The following LRRC41 variants were observed in gnomAD, a reference collection of about 807,000 sequenced individuals.
LRRC41 encodes the protein leucine rich repeat containing 41.
LRRC41 carries 17 observed loss-of-function variants against 72.1 expected under a neutral mutation model. That is an observed-to-expected ratio of 0.24 (90% CI 0.16 to 0.35). LRRC41 has a LOEUF of 0.35. LRRC41 is among the 10% of genes least tolerant of loss of function. The pLI, the probability that LRRC41 is intolerant of heterozygous loss-of-function variation, is 1.00. For synonymous variants in LRRC41, 427 were observed against 431.0 expected, an observed-to-expected ratio of 0.99 and a Z score of 0.11; for missense variants, 759 against 1,065.0, an observed-to-expected ratio of 0.71 and a Z score of 4.00.
chr1:46,284,807 A>G (rs1311048185), intron 4 of LRRC41, among the ~76,000 whole-genome samples: 3 of 152,206 alleles, frequency 2.0e-5, no homozygotes, highest in Non-Finnish European at 4.4e-5. Flanking sequence ...GTGATCATAT[A>G]GTAACACTGA....
Position 46,279,093 on chromosome 1 carries a change from G to A in LRRC41, c.2220-9C>T, listed in dbSNP as rs1407339567. 2 of 1,609,698 alleles carry A rather than the reference G, an allele frequency of 1.2e-6. No homozygotes were observed. The highest frequency in any genetic ancestry group is 1.1e-5 in the South Asian group (1 of 90,568). Reference sequence around the variant, plus strand: ...GCTTGATGCAGTTGGAACTGGTAGGGTGAGATGGATTAGATATCCAGGAAG... The same window carrying A: ...GCTTGATGCAGTTGGAACTGGTAGGATGAGATGGATTAGATATCCAGGAAG... On this transcript the variant is annotated splice_polypyrimidine_tract_variant and intron_variant, in intron 9 of 9. Coordinates refer to ENST00000617190, the MANE Select transcript of LRRC41 (RefSeq NM_006369.5). The surrounding 1 kb of genome is among the most constrained non-coding windows in gnomAD (Gnocchi z 4.5).
chr1:46,303,170 C>A lies in LRRC41; in HGVS notation c.153G>T (p.Gly51=). The A allele has an allele frequency of 6.4e-7, 1 of 1,557,744 alleles. No homozygotes were observed. The highest frequency in any genetic ancestry group is 8.6e-7 in the Non-Finnish European group (1 of 1,158,738). Residue 51 remains glycine, a synonymous_variant, in exon 1 of 10, where the codon GGG becomes GGT. Coordinates refer to ENST00000617190, the MANE Select transcript of LRRC41 (RefSeq NM_006369.5). The part of the protein sequence containing the change: ...NAPPALFELC[G]RAVSAHMGVL... Reference sequence around the variant, plus strand: ...CCCCCATATGGGCGCTCACCGCCCGCCCGCACAGCTCGAACAGGGCGGGGG... The same window carrying A: ...CCCCCATATGGGCGCTCACCGCCCGACCGCACAGCTCGAACAGGGCGGGGG...
chr1:46,298,494 A>G, intron 1 of LRRC41, 124 bp from the exon 2 acceptor site: 3 of 607,638 alleles, frequency 4.9e-6, no homozygotes, highest in Non-Finnish European at 8.6e-6. Context: ...TGACAAATGG[A>G]ACCTCTAGAA....
At chr1:46,294,726 C>G (rs1661089592) in intron 3 of LRRC41, among the ~76,000 whole-genome samples, 1 of 150,952 alleles carries the variant, frequency 6.6e-6, no homozygotes, top group Admixed American at 6.7e-5. Flanking sequence ...TCTTGAGTAG[C>G]TGGAACTAAA....
rs1661262480 is a variant in LRRC41, at chr1:46,302,546, C to T, written c.199+578G>A. 2 of 984,838 alleles carry T rather than the reference C, an allele frequency of 2.0e-6. No individual in the cohort carries two copies. The highest frequency in any genetic ancestry group is 4.7e-5 in the South Asian group (1 of 21,240). 61.0% of individuals were successfully genotyped at this position (984,838 alleles called of 1,614,324 possible). A position where few individuals can be genotyped will look rare whatever the true frequency, so the allele number is the denominator to read the frequency against. On this transcript the variant is annotated intron_variant, in intron 1 of 9. Transcript: ENST00000617190. This position sits in a 1 kb window ranked among gnomAD's most constrained non-coding sequence, Gnocchi z 4.7. ...GCCCCGACCCTTTCGTTCGGCCTCT[C>T]CCCCTGCCCCATTCCCTCGCTCTCC...
chr1:46,279,124 A>T lies in LRRC41; in HGVS notation c.2220-40T>A. 1 of 1,606,568 alleles carries T rather than the reference A, an allele frequency of 6.2e-7. No homozygotes were observed. On this transcript the variant is annotated intron_variant, in intron 9 of 9. Coordinates refer to ENST00000617190, the MANE Select transcript of LRRC41 (RefSeq NM_006369.5). This position sits in a 1 kb window ranked among gnomAD's most constrained non-coding sequence, Gnocchi z 4.5. ...TGGATTAGATATCCAGGAAGCAGTG[A>T]ATTCCTGGTCTATATCTCTGTAGCC... is the stretch of plus-strand genomic sequence containing the variant.
At chr1:46,300,955 C>T (rs1433097569) in intron 1 of LRRC41, among the ~76,000 whole-genome samples, 1 of 152,202 alleles carries the variant, frequency 6.6e-6, no homozygotes, top group African/African-American at 2.4e-5. Flanking sequence ...CCCCTGTCTC[C>T]TCTCAACTTG....
intron 3 of LRRC41, among the ~76,000 whole-genome samples, chr1:46,290,920 T>TTC (rs1557716679): frequency 9.3e-6 from 1 of 107,594 alleles, no homozygotes; most frequent in Non-Finnish European, 2.1e-5. Context: ...TTTCTAGTTT[T>TTC]TTTTTTTTTT....
chr1:46,300,641 G>A (rs1272217656), intron 1 of LRRC41: 1 of 152,096 alleles, frequency 6.6e-6, no homozygotes, highest in African/African-American at 2.4e-5. Context: ...CAAAACCCTT[G>A]GAGGTCTCTC....
At chr1:46,301,937 T>C (rs1268221489) in intron 1 of LRRC41, 1 of 983,970 alleles carries the variant, frequency 1.0e-6, no homozygotes, top group African/African-American at 1.8e-5. Flanking sequence ...GCCCGAGGCC[T>C]CCCCTGTCCC....
chr1:46,284,403 A>G (rs988068244), intron 4 of LRRC41: 1 of 152,232 alleles, frequency 6.6e-6, no homozygotes, highest in African/African-American at 2.4e-5. Flanking sequence ...GAGGATTGTT[A>G]GATCAAATTA....
Position 46,303,296 on chromosome 1 carries a change from G to T in LRRC41, c.27C>A (p.Ala9=). MAAPEAWR[A]RSCWFCEVAA... ...CTACCTCACAGAACCAGCAACTCCG[G>T]GCGCGCCAGGCCTCGGGCGCCGCCA... Residue 9 remains alanine, a synonymous_variant, in exon 1 of 10, where the codon GCC becomes GCA. Coordinates refer to ENST00000617190, the MANE Select transcript of LRRC41 (RefSeq NM_006369.5). 2.0e-6 allele frequency: 3 copies of T among 1,538,150 alleles called. No individual in the cohort carries two copies. The highest frequency in any genetic ancestry group is 2.4e-5 in the South Asian group (2 of 83,396).
At position 46,277,971 on chromosome 1, in the gene LRRC41, C is replaced by T. The variant is rs1483570903; in HGVS notation, c.*894G>A. ...CTGGATGAAGCTAGCCTCAGTGACA[C>T]ACATGACAGGTGGGGAAGTGCCCTA... On this transcript the variant is annotated 3_prime_UTR_variant, in exon 10 of 10. Transcript: ENST00000617190. 6.2e-7 allele frequency: 1 copy of T among 1,614,052 alleles called. No individual in the cohort carries two copies. The highest frequency in any genetic ancestry group is 1.3e-5 in the African/African-American group (1 of 74,940).
At chr1:46,295,536 AAG>A (rs1661105062) in intron 3 of LRRC41, among the ~76,000 whole-genome samples, 1 of 152,218 alleles carries the variant, frequency 6.6e-6, no homozygotes, top group Non-Finnish European at 1.5e-5. Context: ...TGTCATGCAA[AAG>A]TGGGAAGCGG....
intron 4 of LRRC41, among the ~76,000 whole-genome samples, chr1:46,281,830 G>C (rs921736008): frequency 6.6e-6 from 1 of 152,224 alleles, no homozygotes; most frequent in Non-Finnish European, 1.5e-5. Context: ...TGTAATCCCA[G>C]CACTTTGGGA....
In LRRC41 at chr1:46,289,426, G is replaced by A. The variant is rs149038978; in HGVS notation, c.358-2927C>T. Among the ~76,000 whole-genome samples, 192 of 151,866 alleles carry A rather than the reference G, an allele frequency of 1.3e-3. 1 individual carries two copies. In the East Asian group the frequency reaches 0.035, roughly 28 times the overall value. On this transcript the variant is annotated intron_variant, in intron 3 of 9. Transcript: ENST00000617190. ...GCTTCTTTCTCACAAATTAACGTAC[G>A]AGCAGACAAGAGATCATGAAGTTTT... is the stretch of plus-strand genomic sequence containing the variant.
Position 46,285,831 on chromosome 1 carries a change from C to A in LRRC41, c.1026G>T (p.Leu342=). The A allele has an allele frequency of 6.3e-7, 1 of 1,593,618 alleles. No individual in the cohort carries two copies. Among genetic ancestry groups the A allele is most frequent in the African/African-American group, 1.3e-5 (1 of 74,236 alleles). The change falls in exon 4 of 10, where the codon CTG becomes CTT. Residue 342 remains leucine (L), a synonymous_variant. Coordinates refer to ENST00000617190, the MANE Select transcript of LRRC41 (RefSeq NM_006369.5). This position sits in a 1 kb window ranked among gnomAD's most constrained non-coding sequence, Gnocchi z 5.3. ...CCTCATGGGAGGTGGCTGGGGGGTG[C>A]AGCTCCCTCTTAAGGTCTGTTCCGC... ...TAGGTDLKRE[L]HPPATSHEAP...
chr1:46,287,888 TC>T (rs1292148396), intron 3 of LRRC41, among the ~76,000 whole-genome samples: 1 of 152,186 alleles, frequency 6.6e-6, no homozygotes, highest in Non-Finnish European at 1.5e-5. Flanking sequence ...ATTTGTTTCT[TC>T]CAAGGCAACA....
rs1661240595 is a variant in LRRC41, at chr1:46,301,976, C to G, written c.199+1148G>C. ...CGCGGCTAGGCCTGCTTGGCAGAGC[C>G]TCACTTTCCCCTCTTTCACTTGCCC... On this transcript the variant is annotated intron_variant, in intron 1 of 9. Coordinates refer to ENST00000617190, the MANE Select transcript of LRRC41 (RefSeq NM_006369.5). The G allele has an allele frequency of 1.4e-5, 14 of 985,420 alleles. No homozygotes were observed. The South Asian group carries it at 5.2e-4, about 36-fold the overall frequency. 61.0% of individuals were successfully genotyped at this position (985,420 alleles called of 1,614,324 possible).
Sources: allele counts gnomAD v4.1 joint callset (sites outside exome capture counted in the v4.1 genomes callset), GRCh38; gene constraint gnomAD v4.1.1; non-coding constraint Gnocchi (gnomAD v3.1); transcripts MANE v1.5; gene names NCBI Gene and HGNC (gene_info 2026-07-23, HGNC 2026-07-21).